The following DNAH5 variants were observed in gnomAD, a reference collection of about 807,000 sequenced individuals.
The protein encoded by DNAH5 is axonemal beta dynein heavy chain 5.
In DNAH5, 372 loss-of-function variants were observed where a neutral mutation model predicts 518.2. The observed-to-expected ratio is 0.72, with a 90% CI of 0.66 to 0.78. The LOEUF (loss-of-function observed/expected upper bound fraction) is 0.78. Ranked by LOEUF, DNAH5 falls within the 30% of genes least tolerant of loss-of-function variation. DNAH5 has a pLI of 0.00. For synonymous variants in DNAH5, 2,039 were observed against 2,025.9 expected (o/e 1.01, Z -0.17); for missense variants, 5,523 against 5,687.0 (o/e 0.97, Z 0.93).
rs372534534 is a variant in DNAH5, at chr5:13,838,153, G to A, written c.5882+1203C>T. Reference sequence around the variant, plus strand: ...TGAGCATTCAGTGCATACCTGAAGCGAAAATATACAATGTAGTTGATATTA... The same window carrying A: ...TGAGCATTCAGTGCATACCTGAAGCAAAAATATACAATGTAGTTGATATTA... On this transcript the variant is annotated intron_variant, in intron 35 of 78. Transcript: ENST00000265104. 3.3e-5 allele frequency among the ~76,000 whole-genome samples: 5 copies of A among 152,164 alleles called. No homozygotes were observed. In the East Asian group the frequency reaches 5.8e-4, roughly 18 times the overall value.
chr5:13,999,997 T>C (rs962136508), intron 1 of DNAH5, among the ~76,000 whole-genome samples: 1 of 152,232 alleles, frequency 6.6e-6, no homozygotes, highest in African/African-American at 2.4e-5. Flanking sequence ...GAGAAATTAC[T>C]GATAATAGGT....
intron 27 of DNAH5, among the ~76,000 whole-genome samples, chr5:13,865,256 G>C (rs1244380119): frequency 2.0e-5 from 3 of 151,974 alleles, no homozygotes; most frequent in African/African-American, 7.3e-5. Flanking sequence ...GCCTCCCAAA[G>C]TGCTGGGATT....
chr5:13,934,861 A>C (rs1024859428), intron 1 of DNAH5, among the ~76,000 whole-genome samples: 1 of 152,238 alleles, frequency 6.6e-6, no homozygotes, highest in Admixed American at 6.5e-5. Context: ...CAAACATGTT[A>C]GTTCATTCCA....
Position 13,922,209 on chromosome 5 carries a change from G to A in DNAH5, c.558C>T (p.Leu186=), listed in dbSNP as rs145895917. 16 of 1,613,758 alleles carry A rather than the reference G, an allele frequency of 9.9e-6. No individual in the cohort carries two copies. Among genetic ancestry groups the A allele is most frequent in the African/African-American group, 8.0e-5 (6 of 74,878 alleles). ...LRATSHGWGE[L]EGLQDAANIR... ...TGTTAGCTGCGTCCTGAAGGCCCTC[G>A]AGCTCGCCCCAGCCATGGCTCGTGG... Residue 186 remains leucine, a synonymous_variant, in exon 5 of 79, where the codon CTC becomes CTT. Coordinates refer to ENST00000265104, the MANE Select transcript of DNAH5 (RefSeq NM_001369.3).
In DNAH5 at chr5:13,923,395, A is replaced by T. The variant is rs1777512314; in HGVS notation, c.323T>A (p.Ile108Asn). The T allele has an allele frequency of 6.2e-7, 1 of 1,614,058 alleles. No individual in the cohort carries two copies. Among genetic ancestry groups the T allele is most frequent in the African/African-American group, 1.3e-5 (1 of 74,930 alleles). Reference sequence around the variant, plus strand: ...GGTCACGAACACCTTAGGTTTTTTAATCTTTCCAGAAACAAGATTTACCCC... The same window carrying T: ...GGTCACGAACACCTTAGGTTTTTTATTCTTTCCAGAAACAAGATTTACCCC... ...LGGVNLVSGK[I>N]KKPKVFVTEG... Residue 108 changes from isoleucine (I) to asparagine (N), a missense_variant, in exon 4 of 79, where the codon ATT (isoleucine) becomes AAT (asparagine). Around this residue, in one of 3 missense-constraint regions of DNAH5, gnomAD observed 5,121 missense variants for 5,223.3 expected, o/e 0.98. Transcript: ENST00000265104.
chr5:13,989,547 G>A (rs901852767), intron 1 of DNAH5, among the ~76,000 whole-genome samples: 7 of 148,254 alleles, frequency 4.7e-5, no homozygotes, highest in Non-Finnish European at 8.9e-5. Context: ...GCAGTGGCGC[G>A]ATCTCGGCTC....
At chr5:13,709,484 G>C (rs1306399072) in intron 75 of DNAH5, among the ~76,000 whole-genome samples, 1 of 151,874 alleles carries the variant, frequency 6.6e-6, no homozygotes, top group Non-Finnish European at 1.5e-5. Context: ...ATACTATCAG[G>C]GTAACTCTTT....
At chr5:13,940,581 G>C (rs536919253) in intron 1 of DNAH5, among the ~76,000 whole-genome samples, 1 of 152,206 alleles carries the variant, frequency 6.6e-6, no homozygotes, top group South Asian at 2.1e-4. Context: ...GAGAAATCCT[G>C]ATTTATCTGG....
intron 47 of DNAH5, among the ~76,000 whole-genome samples, chr5:13,794,420 T>C (rs1400580181): frequency 6.6e-6 from 1 of 152,182 alleles, no homozygotes; most frequent in Non-Finnish European, 1.5e-5. Flanking sequence ...GCAACAAAGT[T>C]AAACAAGGCT....
chr5:13,779,656 T>C (rs1754800484), intron 53 of DNAH5, among the ~76,000 whole-genome samples: 1 of 152,220 alleles, frequency 6.6e-6, no homozygotes, highest in Admixed American at 6.5e-5. Context: ...ACTTTTCATG[T>C]GCTAATTATG....
chr5:13,929,226 C>T (rs759498003), intron 2 of DNAH5, among the ~76,000 whole-genome samples: 7 of 152,106 alleles, frequency 4.6e-5, no homozygotes, highest in African/African-American at 9.7e-5. Context: ...TGAAATAAGA[C>T]GATCCCAAAA....
rs750104927 is a variant in DNAH5 at position 13,691,100 on chromosome 5, T to C, written c.*884A>G. The C allele has an allele frequency of 9.2e-5, 14 of 152,236 alleles. No individual in the cohort carries two copies. Among genetic ancestry groups the C allele is most frequent in the Non-Finnish European group, 1.6e-4 (11 of 68,032 alleles). 9.4% of individuals were successfully genotyped at this position (152,236 alleles called of 1,614,324 possible). A position where few individuals can be genotyped will look rare whatever the true frequency, so the allele number is the denominator to read the frequency against. ...AAATATCTCTTAATTTCCTTAACCA[T>C]AGCCTGACTATTGAATATTTATGAT... is the stretch of plus-strand genomic sequence containing the variant. On this transcript the variant is annotated 3_prime_UTR_variant, in exon 79 of 79. Transcript: ENST00000265104.
chr5:13,908,033 T>C (rs528123426), intron 12 of DNAH5, among the ~76,000 whole-genome samples: 1 of 152,264 alleles, frequency 6.6e-6, no homozygotes, highest in African/African-American at 2.4e-5. Flanking sequence ...CCACAGGAGA[T>C]ACGACCTGTG....
chr5:13,959,020 G>A (rs1780965986), intron 1 of DNAH5, among the ~76,000 whole-genome samples: 1 of 152,162 alleles, frequency 6.6e-6, no homozygotes. Context: ...GTGCAGTGGT[G>A]CGATCTTGGC....
intron 7 of DNAH5, among the ~76,000 whole-genome samples, chr5:13,918,044 T>C (rs547404671): frequency 6.6e-6 from 1 of 152,312 alleles, no homozygotes; most frequent in African/African-American, 2.4e-5. Context: ...CTTGTATTCA[T>C]CCCTTCTCCT....
chr5:13,748,675 CTGTT>C (rs1253540841), intron 65 of DNAH5, among the ~76,000 whole-genome samples: 3 of 152,132 alleles, frequency 2.0e-5, no homozygotes, highest in Non-Finnish European at 4.4e-5. Context: ...ATTTGGCTCT[CTGTT>C]TGCCTGTTAT....
At chr5:13,994,117 G>A (rs926698422) in intron 1 of DNAH5, among the ~76,000 whole-genome samples, 1 of 152,166 alleles carries the variant, frequency 6.6e-6, no homozygotes, top group African/African-American at 2.4e-5. Flanking sequence ...TCCGCCTACA[G>A]GCTTCCCACT....
At chr5:13,918,120 CA>C (rs1197148106) in intron 7 of DNAH5, among the ~76,000 whole-genome samples, 1 of 152,160 alleles carries the variant, frequency 6.6e-6, no homozygotes, top group Non-Finnish European at 1.5e-5. Context: ...GATGGGATGT[CA>C]CTTCCAGAAT....
intron 78 of DNAH5, among the ~76,000 whole-genome samples, chr5:13,696,487 A>G (rs1048616059): frequency 1.3e-5 from 2 of 152,216 alleles, no homozygotes; most frequent in African/African-American, 4.8e-5. Flanking sequence ...ATTAAAATAA[A>G]TATCTAGATT....
Sources: gnomAD v4.1 joint callset for allele counts (sites outside exome capture counted in the v4.1 genomes callset) on GRCh38, gnomAD v4.1.1 for gene constraint, gnomAD v4.1.1 regional missense constraint, MANE v1.5 for transcripts, NCBI Gene and HGNC (gene_info 2026-07-23, HGNC 2026-07-21) for gene names.